The following TIAM2 variants were observed in gnomAD, a reference collection of about 807,000 sequenced individuals.
TIAM2 encodes the protein TIAM Rac1 associated GEF 2.
In TIAM2, 80 loss-of-function variants were observed where a neutral mutation model predicts 152.9. The observed-to-expected ratio is 0.52, with a 90% CI of 0.44 to 0.63. TIAM2 has a LOEUF of 0.63. Among genes scored for constraint, TIAM2 ranks in the 30% least tolerant of loss-of-function variants. TIAM2 has a pLI of 0.00. For synonymous variants in TIAM2, 804 were observed against 838.0 expected (o/e 0.96, Z 0.70); for missense variants, 1,965 against 2,120.1 (o/e 0.93, Z 1.44).
chr6:155,019,347 A>G (rs1441349075), intron 1 of TIAM2, among the ~76,000 whole-genome samples: 2 of 151,918 alleles, frequency 1.3e-5, no homozygotes, highest in Admixed American at 6.6e-5. Context: ...AAAAGAAAAG[A>G]AAAAAAATAA....
intron 1 of TIAM2, among the ~76,000 whole-genome samples, chr6:155,058,912 A>T (rs938157909): frequency 6.6e-6 from 1 of 152,236 alleles, no homozygotes; most frequent in Non-Finnish European, 1.5e-5. Flanking sequence ...GAGGAATGGT[A>T]TCTAACGTAA....
intron 9 of TIAM2, among the ~76,000 whole-genome samples, chr6:155,172,676 ATATATATATATTTTTTTTTT>A (rs1157193891): frequency 7.7e-5 from 1 of 13,066 alleles, no homozygotes; most frequent in Non-Finnish European, 1.3e-4. Flanking sequence ...ATATATATAT[ATATATATATATTTTTTTTTT>A]TTTTTTTTTT....
At chr6:155,170,668 T>C (rs997541868) in intron 9 of TIAM2, among the ~76,000 whole-genome samples, 1 of 152,224 alleles carries the variant, frequency 6.6e-6, no homozygotes, top group Non-Finnish European at 1.5e-5. Context: ...TGTTGGACTT[T>C]GAAAATAAAT....
intron 2 of TIAM2, among the ~76,000 whole-genome samples, chr6:155,110,421 C>G (rs1422124757): frequency 6.7e-6 from 1 of 148,328 alleles, no homozygotes; most frequent in Admixed American, 7.0e-5. Context: ...GTTTAAAGCT[C>G]TAGTAGAGAA....
intron 1 of TIAM2, among the ~76,000 whole-genome samples, chr6:155,066,182 C>G (rs1407559492): frequency 7.5e-5 from 3 of 40,156 alleles, no homozygotes; most frequent in Non-Finnish European, 1.9e-4. Context: ...GGCCTTTGGC[C>G]TCCCAAAGGG....
chr6:155,185,773 T>C (rs79138116), intron 14 of TIAM2, among the ~76,000 whole-genome samples: 4,559 of 152,170 alleles, frequency 0.03, 198 homozygotes, highest in African/African-American at 0.093. Context: ...CCTGGTGTCC[T>C]GGCAAGACTG....
chr6:155,227,127 C>A (rs531826157), intron 15 of TIAM2, among the ~76,000 whole-genome samples: 1 of 152,324 alleles, frequency 6.6e-6, no homozygotes, highest in African/African-American at 2.4e-5. Context: ...GATACTTGGA[C>A]CAGAATTGCT....
intron 14 of TIAM2, among the ~76,000 whole-genome samples, 160 bp downstream of exon 14, chr6:155,183,660 A>C (rs922685747): frequency 2.0e-5 from 3 of 152,206 alleles, no homozygotes; most frequent in African/African-American, 7.2e-5. Context: ...ATTTTATCAA[A>C]ATTTCATGCG....
chr6:155,006,855 A>AT (rs991720041), intron 1 of TIAM2, among the ~76,000 whole-genome samples: 3 of 151,560 alleles, frequency 2.0e-5, no homozygotes, highest in South Asian at 2.1e-4. Flanking sequence ...CACCCAGCTA[A>AT]TTTTTTTGTA....
chr6:155,066,914 C>T (rs1375743130), intron 1 of TIAM2, among the ~76,000 whole-genome samples: 2 of 152,082 alleles, frequency 1.3e-5, no homozygotes. Flanking sequence ...TACCATCACG[C>T]CTGGCTAATT....
intron 1 of TIAM2, among the ~76,000 whole-genome samples, chr6:155,052,773 C>CAA (rs10545743): frequency 4.1e-4 from 48 of 117,016 alleles, no homozygotes; most frequent in African/African-American, 1.5e-3. Context: ...AACTCCATCT[C>CAA]AAAAAAAAAA....
chr6:155,240,434 G>A, intron 15 of TIAM2, 96 bp from the exon 16 acceptor site: 4 of 1,351,902 alleles, frequency 3.0e-6, no homozygotes, highest in South Asian at 1.5e-5. Context: ...TGAGATCCCT[G>A]CTGAGCACAG....
At chr6:155,078,830 CAGA>C (rs1778005963) in intron 1 of TIAM2, among the ~76,000 whole-genome samples, 2 of 152,210 alleles carry the variant, frequency 1.3e-5, no homozygotes, top group South Asian at 4.1e-4. Context: ...TGTTTCATTA[CAGA>C]AGTTGATGTT....
chr6:155,191,710 G>A (rs1209103315), intron 14 of TIAM2, among the ~76,000 whole-genome samples: 5 of 152,022 alleles, frequency 3.3e-5, no homozygotes, highest in South Asian at 4.1e-4. Flanking sequence ...CAGGAGAATC[G>A]CTTGAACCCA....
In TIAM2 at chr6:155,028,432, AT is replaced by A. The variant is rs1776683054; in HGVS notation, c.-209+32941del. ...GTGTTACATATACTACATATAATAT[AT>A]ATACTGTGTTACATATACTACATAT... On this transcript the variant is annotated intron_variant, in intron 1 of 26. Coordinates refer to ENST00000682666, the MANE Select transcript of TIAM2 (RefSeq NM_012454.4). Among the ~76,000 whole-genome samples the A allele has an allele frequency of 3.8e-5, 5 of 133,186 alleles. No homozygotes were observed. In the South Asian group the frequency reaches 1.3e-3, roughly 34 times the overall value. 87.4% of individuals were successfully genotyped at this position (133,186 alleles called of 152,430 possible). A position where few individuals can be genotyped will look rare whatever the true frequency, so the allele number is the denominator to read the frequency against.
At chr6:155,125,721 AC>A (rs1779277767) in intron 2 of TIAM2, among the ~76,000 whole-genome samples, 1 of 151,672 alleles carries the variant, frequency 6.6e-6, no homozygotes, top group Non-Finnish European at 1.5e-5. Flanking sequence ...GCCTATAATC[AC>A]AGCTACTTGA....
intron 1 of TIAM2, among the ~76,000 whole-genome samples, chr6:155,081,993 C>T (rs1239947764): frequency 1.3e-5 from 2 of 152,146 alleles, no homozygotes; most frequent in Non-Finnish European, 1.5e-5. Context: ...TATCCTGCCT[C>T]AGTACTGAAA....
Position 155,130,200 on chromosome 6 carries a change from A to G in TIAM2, c.977A>G (p.His326Arg). 6.2e-7 allele frequency: 1 copy of G among 1,614,182 alleles called. No individual in the cohort carries two copies. The highest frequency in any genetic ancestry group is 8.5e-7 in the Non-Finnish European group (1 of 1,180,030). ...CTTTCTGATGAATACATGGGCACGC[A>G]TGCCAGCCTGAGCAACCGTGTCTCT... ...IRLSDEYMGTHASLSNRVSFA... is the reference protein window; with the variant it reads ...IRLSDEYMGTRASLSNRVSFA... Residue 326 changes from histidine (H) to arginine (R), a missense_variant, in exon 4 of 27, where the codon CAT becomes CGT. Around this residue, in one of 3 missense-constraint regions of TIAM2, gnomAD observed 1,025 missense variants for 1,119.4 expected, o/e 0.92. Coordinates refer to ENST00000682666, the MANE Select transcript of TIAM2 (RefSeq NM_012454.4).
intron 14 of TIAM2, among the ~76,000 whole-genome samples, chr6:155,189,614 CAG>C (rs1279815047): frequency 6.6e-6 from 1 of 152,012 alleles, no homozygotes; most frequent in Non-Finnish European, 1.5e-5. Context: ...GTGTATTTAA[CAG>C]ATAACCTTTT....
Sources: gnomAD v4.1 joint callset for allele counts (sites outside exome capture counted in the v4.1 genomes callset) on GRCh38, gnomAD v4.1.1 for gene constraint, gnomAD v4.1.1 regional missense constraint, MANE v1.5 for transcripts, NCBI Gene and HGNC (gene_info 2026-07-23, HGNC 2026-07-21) for gene names.